The following HMGA2 variants were observed in gnomAD, a reference collection of about 807,000 sequenced individuals.
HMGA2 encodes high mobility group AT-hook 2.
In HMGA2, 8 loss-of-function variants were observed where a neutral mutation model predicts 19.1. The observed-to-expected ratio is 0.42, with a 90% CI of 0.25 to 0.76. The LOEUF (loss-of-function observed/expected upper bound fraction) is 0.76, where lower values mean the gene tolerates loss of function less well. Among genes scored for constraint, HMGA2 ranks in the 30% least tolerant of loss-of-function variants. The pLI, the probability that HMGA2 is intolerant of heterozygous loss-of-function variation, is 0.28. For missense variants in HMGA2, 109 were observed against 136.3 expected, an observed-to-expected ratio of 0.80 and a Z score of 1.00; for synonymous variants, 60 against 48.8, an observed-to-expected ratio of 1.23 and a Z score of -0.96.
chr12:65,910,869 A>C (rs1413194030), intron 3 of HMGA2, among the ~76,000 whole-genome samples: 1 of 152,226 alleles, frequency 6.6e-6, no homozygotes, highest in Non-Finnish European at 1.5e-5. Context: ...TCAAAGGCGC[A>C]AATTCAACTC....
At chr12:65,827,034 T>A (rs942193452) in intron 1 of HMGA2, 1 of 152,212 alleles carries the variant, frequency 6.6e-6, no homozygotes, top group Non-Finnish European at 1.5e-5. Context: ...AATCACCGAA[T>A]CTGAATGAAA....
chr12:65,839,776 C>T (rs1870914132), intron 3 of HMGA2, among the ~76,000 whole-genome samples: 1 of 152,150 alleles, frequency 6.6e-6, no homozygotes, highest in East Asian at 1.9e-4. Context: ...GATCATCTAG[C>T]GTGCTTGATT....
chr12:65,840,687 G>C (rs1480858648), intron 3 of HMGA2, among the ~76,000 whole-genome samples: 1 of 152,136 alleles, frequency 6.6e-6, no homozygotes, highest in Non-Finnish European at 1.5e-5. Context: ...TGTTTTCTAA[G>C]CATCAGAACT....
chr12:65,855,456 T>A (rs61921577), intron 3 of HMGA2, among the ~76,000 whole-genome samples: 9,308 of 52,516 alleles, frequency 0.18, 844 homozygotes, highest in African/African-American at 0.39. Flanking sequence ...TCTCTCTCTC[T>A]CTCACACACA....
chr12:65,888,552 CTCT>C (rs1873760618), intron 3 of HMGA2, among the ~76,000 whole-genome samples: 3 of 90,302 alleles, frequency 3.3e-5, no homozygotes, highest in African/African-American at 4.6e-5. Context: ...CCGTGGTGTG[CTCT>C]TTTTTTTTTT....
At chr12:65,826,951 T>C (rs1033783515) in intron 1 of HMGA2, 3 of 152,208 alleles carry the variant, frequency 2.0e-5, no homozygotes, top group African/African-American at 7.2e-5. Context: ...CAGGGAACCT[T>C]CCCGAATTCT....
chr12:65,932,619 G>A (rs1267941493), intron 3 of HMGA2, among the ~76,000 whole-genome samples: 2 of 152,372 alleles, frequency 1.3e-5, no homozygotes, highest in South Asian at 2.1e-4. Flanking sequence ...ACCAGTCACA[G>A]TACCATGACA....
At chr12:65,890,375 G>A (rs1445632728) in intron 3 of HMGA2, among the ~76,000 whole-genome samples, 1 of 152,032 alleles carries the variant, frequency 6.6e-6, no homozygotes, top group African/African-American at 2.4e-5. Context: ...AAATTAATAG[G>A]TGTTAGCTTT....
At chr12:65,877,760 A>G (rs1873123727) in intron 3 of HMGA2, among the ~76,000 whole-genome samples, 1 of 152,054 alleles carries the variant, frequency 6.6e-6, no homozygotes, top group Non-Finnish European at 1.5e-5. Context: ...TCAATGGAGC[A>G]ATGGATGACC....
At chr12:65,844,335 A>T (rs1430423022) in intron 3 of HMGA2, among the ~76,000 whole-genome samples, 1 of 152,200 alleles carries the variant, frequency 6.6e-6, no homozygotes, top group Admixed American at 6.5e-5. Flanking sequence ...GCTGATGCAT[A>T]TAATGCATTC....
chr12:65,938,826 G>C (rs908345789), intron 3 of HMGA2, among the ~76,000 whole-genome samples: 13 of 152,034 alleles, frequency 8.6e-5, no homozygotes, highest in African/African-American at 3.1e-4. Context: ...ATCACACCCG[G>C]CTGATTTTTG....
Position 65,825,478 on chromosome 12 carries a change from C to A in HMGA2, c.111+97C>A, listed in dbSNP as rs867228280. On this transcript the variant is annotated intron_variant, in intron 1 of 4. Transcript: ENST00000403681. This position sits in a 1 kb window ranked among gnomAD's most constrained non-coding sequence, Gnocchi z 4.4. ...CGGCCGGAGTGCGGGAGCCCAGTCG[C>A]CGCGGCCGTCGCACACTGCCCGCCG... 2.4e-4 allele frequency: 192 copies of A among 797,972 alleles called. No homozygotes were observed. In the Middle Eastern group the frequency reaches 3.8e-3, roughly 16 times the overall value. 49.4% of individuals were successfully genotyped at this position (797,972 alleles called of 1,614,324 possible).
chr12:65,899,592 G>A (rs923433244), intron 3 of HMGA2, among the ~76,000 whole-genome samples: 1 of 152,202 alleles, frequency 6.6e-6, no homozygotes, highest in Admixed American at 6.5e-5. Flanking sequence ...AACTGGAAAC[G>A]TTCTGACCAG....
chr12:65,861,182 A>T (rs955033563), intron 3 of HMGA2, among the ~76,000 whole-genome samples: 1 of 152,208 alleles, frequency 6.6e-6, no homozygotes, highest in Non-Finnish European at 1.5e-5. Context: ...CCTGGCCAAC[A>T]TGGTGAAACT....
At chr12:65,885,712 G>A (rs913559196) in intron 3 of HMGA2, among the ~76,000 whole-genome samples, 2 of 152,174 alleles carry the variant, frequency 1.3e-5, no homozygotes, top group African/African-American at 4.8e-5. Context: ...GGTAAAAGTA[G>A]TTTTAAGATA....
chr12:65,882,097 T>G, intron 3 of HMGA2: 1 of 526,802 alleles, frequency 1.9e-6, no homozygotes, highest in East Asian at 3.6e-5. Flanking sequence ...TGGAAACCCC[T>G]GGCGGCTGTA....
chr12:65,954,189 T>C (rs889483033), intron 4 of HMGA2: 11 of 152,232 alleles, frequency 7.2e-5, no homozygotes, highest in Admixed American at 7.2e-4. Context: ...CATAATTATA[T>C]AAATTCCAGG....
At chr12:65,914,025 A>G (rs1347988713) in intron 3 of HMGA2, among the ~76,000 whole-genome samples, 3 of 152,154 alleles carry the variant, frequency 2.0e-5, no homozygotes, top group Non-Finnish European at 2.9e-5. Flanking sequence ...AGAAACAGGA[A>G]CACTTTTACA....
At chr12:65,927,676 CTG>C (rs1875554018) in intron 3 of HMGA2, among the ~76,000 whole-genome samples, 1 of 152,054 alleles carries the variant, frequency 6.6e-6, no homozygotes, top group Non-Finnish European at 1.5e-5. Context: ...AACCAGAACC[CTG>C]ATTTACAGCT....
Sources: allele counts gnomAD v4.1 joint callset (sites outside exome capture counted in the v4.1 genomes callset), GRCh38; gene constraint gnomAD v4.1.1; non-coding constraint Gnocchi (gnomAD v3.1); transcripts MANE v1.5; gene names NCBI Gene and HGNC (gene_info 2026-07-23, HGNC 2026-07-21).